Variants in SAMD13 observed in about 807,000 individuals in gnomAD.
The protein encoded by SAMD13 is sterile alpha motif domain containing 13.
SAMD13 carries 9 observed loss-of-function variants against 12.4 expected under a neutral mutation model. The ratio of observed to expected loss-of-function variants is 0.72; its 90% confidence interval spans 0.44 to 1.26. The LOEUF is 1.26. Ranked by LOEUF, SAMD13 falls within the 50% of genes most tolerant of loss-of-function variation. The pLI is 0.00. For missense variants in SAMD13, 84 were observed against 119.6 expected, an observed-to-expected ratio of 0.70 and a Z score of 1.39; for synonymous variants, 46 against 45.4, an observed-to-expected ratio of 1.01 and a Z score of -0.05.
At chr1:84,299,592 A>C, upstream of SAMD13, 1 of 1,516,374 alleles carries the variant, frequency 6.6e-7, no homozygotes, top group African/African-American at 1.4e-5. Context: ...TACTACACAC[A>C]CAACTTTTTA....
chr1:84,303,538 G>A (rs1678496465), intron 2 of SAMD13: 1 of 321,378 alleles, frequency 3.1e-6, no homozygotes, highest in South Asian at 3.9e-5. Context: ...GAACAAGGAT[G>A]GTTGAGGATT....
intron 3 of SAMD13, among the ~76,000 whole-genome samples, chr1:84,343,942 A>G (rs1450569631): frequency 6.6e-6 from 1 of 152,150 alleles, no homozygotes; most frequent in Non-Finnish European, 1.5e-5. Flanking sequence ...TTCTAGTTAT[A>G]TTTTGTAAAT....
chr1:84,332,807 C>T (rs531726666), intron 3 of SAMD13, among the ~76,000 whole-genome samples: 80 of 152,104 alleles, frequency 5.3e-4, no homozygotes, highest in Non-Finnish European at 9.7e-4. Flanking sequence ...TTTGCCAGGG[C>T]GTATGTCCAG....
chr1:84,306,762 C>T (rs1196113023), intron 2 of SAMD13, among the ~76,000 whole-genome samples: 1 of 150,118 alleles, frequency 6.7e-6, no homozygotes, highest in East Asian at 1.9e-4. Context: ...ACTGGGGAAG[C>T]AGAGGTTGAA....
intron 3 of SAMD13, among the ~76,000 whole-genome samples, chr1:84,342,835 CA>C (rs1193839686): frequency 6.6e-6 from 1 of 152,044 alleles, no homozygotes; most frequent in African/African-American, 2.4e-5. Context: ...GCAATTGCAA[CA>C]AAAGCAAAAA....
chr1:84,317,518 A>C (rs316665), intron 2 of SAMD13, among the ~76,000 whole-genome samples: 2 of 152,024 alleles, frequency 1.3e-5, no homozygotes, highest in African/African-American at 4.8e-5. Context: ...ATTGATTTTC[A>C]TATGTTGAAC....
In SAMD13 at chr1:84,311,625, G is replaced by A. The variant is rs899673625; in HGVS notation, c.53+8338G>A. ...TTTTCAAGAGTCTGCTTCAGAAAACGGAACATAGATACCATACAGTGGAAT... is the reference window on the plus strand; with the variant it reads ...TTTTCAAGAGTCTGCTTCAGAAAACAGAACATAGATACCATACAGTGGAAT... On this transcript the variant is annotated intron_variant, in intron 2 of 3. Coordinates refer to ENST00000394834, the MANE Select transcript of SAMD13 (RefSeq NM_001134663.2). Among the ~76,000 whole-genome samples the A allele has an allele frequency of 3.9e-5, 6 of 152,098 alleles. No homozygotes were observed. In the South Asian group the frequency reaches 6.2e-4, roughly 16 times the overall value.
chr1:84,303,890 T>A (rs556629275), intron 2 of SAMD13: 2 of 152,352 alleles, frequency 1.3e-5, no homozygotes, highest in African/African-American at 4.8e-5. Context: ...AAAATTCAAT[T>A]GCACATGTAA....
At chr1:84,343,867 T>C (rs949004509) in intron 3 of SAMD13, among the ~76,000 whole-genome samples, 7 of 152,010 alleles carry the variant, frequency 4.6e-5, no homozygotes, top group Non-Finnish European at 7.4e-5. Flanking sequence ...AATTTAAATT[T>C]AAATTAAAAA....
At chr1:84,321,808 C>T (rs546664268) in intron 2 of SAMD13, among the ~76,000 whole-genome samples, 2 of 152,306 alleles carry the variant, frequency 1.3e-5, no homozygotes, top group African/African-American at 4.8e-5. Context: ...GCCCCGCACA[C>T]CCTTCCACTT....
intron 2 of SAMD13, among the ~76,000 whole-genome samples, chr1:84,313,276 G>A (rs1305172968): frequency 6.6e-6 from 1 of 152,062 alleles, no homozygotes; most frequent in African/African-American, 2.4e-5. Flanking sequence ...TTGAACAAAT[G>A]GGATCATAGT....
intron 3 of SAMD13, among the ~76,000 whole-genome samples, chr1:84,337,110 CAT>C (rs1679315266): frequency 6.6e-6 from 1 of 152,308 alleles, no homozygotes; most frequent in African/African-American, 2.4e-5. Flanking sequence ...TGGCTGCTTT[CAT>C]GGGCTGGTAT....
intron 3 of SAMD13, among the ~76,000 whole-genome samples, chr1:84,338,580 T>C (rs1029281864): frequency 1.3e-5 from 2 of 151,822 alleles, no homozygotes; most frequent in African/African-American, 4.8e-5. Flanking sequence ...TAGGATTACA[T>C]GTGCCTTCCA....
At chr1:84,312,265 T>A (rs1285967758) in intron 2 of SAMD13, among the ~76,000 whole-genome samples, 1 of 152,092 alleles carries the variant, frequency 6.6e-6, no homozygotes, top group African/African-American at 2.4e-5. Flanking sequence ...AGCATTTTTT[T>A]CTCTTGCTAT....
At chr1:84,307,469 A>G (rs1194240012) in intron 2 of SAMD13, among the ~76,000 whole-genome samples, 2 of 152,142 alleles carry the variant, frequency 1.3e-5, no homozygotes, top group Admixed American at 6.5e-5. Context: ...TATGGCCTTA[A>G]TAACTCTCTC....
chr1:84,326,195 A>G (rs1570246376), intron 3 of SAMD13, among the ~76,000 whole-genome samples: 1 of 152,204 alleles, frequency 6.6e-6, no homozygotes, highest in East Asian at 1.9e-4. Flanking sequence ...CTGGGTGCTT[A>G]GCAAGGTAGA....
chr1:84,299,161 G>A (rs1044142920), upstream of SAMD13, among the ~76,000 whole-genome samples: 2 of 152,176 alleles, frequency 1.3e-5, no homozygotes, highest in East Asian at 1.9e-4. Flanking sequence ...TGGCTGCACC[G>A]GGGGTCGGAT....
intron 2 of SAMD13, among the ~76,000 whole-genome samples, chr1:84,316,944 A>G (rs1678847560): frequency 6.6e-6 from 1 of 152,080 alleles, no homozygotes; most frequent in African/African-American, 2.4e-5. Flanking sequence ...AGTTAAGACT[A>G]TTCCTAAGTA....
At chr1:84,333,352 T>C (rs1679230884) in intron 3 of SAMD13, among the ~76,000 whole-genome samples, 1 of 152,212 alleles carries the variant, frequency 6.6e-6, no homozygotes, top group South Asian at 2.1e-4. Context: ...CATGGAATGT[T>C]GTTCCATTTG....
Sources: gnomAD v4.1 joint callset for allele counts (sites outside exome capture counted in the v4.1 genomes callset) on GRCh38, gnomAD v4.1.1 for gene constraint, MANE v1.5 for transcripts, NCBI Gene and HGNC (gene_info 2026-07-23, HGNC 2026-07-21) for gene names.